SLC47A2: variants seen among roughly 807,000 people sequenced by gnomAD.
SLC47A2 encodes the protein solute carrier family 47 member 2.
SLC47A2 carries 52 observed loss-of-function variants against 67.7 expected under a neutral mutation model. That is an observed-to-expected ratio of 0.77 (90% CI 0.61 to 0.97). The LOEUF is 0.97. Ranked by LOEUF, SLC47A2 falls within the 50% of genes least tolerant of loss-of-function variation. The probability of loss-of-function intolerance (pLI) is 0.00; values close to 1 mark genes in which losing one functional copy is unlikely to be tolerated. For missense variants in SLC47A2, 676 were observed against 712.3 expected, an observed-to-expected ratio of 0.95 and a Z score of 0.58; for synonymous variants, 278 against 292.9, an observed-to-expected ratio of 0.95 and a Z score of 0.52.
Position 19,702,599 on chromosome 17 carries a change from A to G in SLC47A2, c.1164+6T>C, listed in dbSNP as rs2085814475. The G allele has an allele frequency of 6.2e-7, 1 of 1,613,728 alleles. No homozygotes were observed. On this transcript the variant is annotated splice_donor_region_variant and intron_variant, in intron 13 of 16. Coordinates refer to ENST00000433844, the MANE Select transcript of SLC47A2 (RefSeq NM_001099646.3). ...GAGTCAGGCTTTGGATCAAAGTGGT[A>G]CTTACACAGATGGCCTCAAACACGT... is the stretch of plus-strand genomic sequence containing the variant.
intron 15 of SLC47A2, 141 bp downstream of exon 15, chr17:19,681,226 C>CA (rs565026578): frequency 0.024 from 14,078 of 587,614 alleles, 7 homozygotes; most frequent in Middle Eastern, 0.035. Flanking sequence ...AACAAACAAA[C>CA]AAAAAAAAAA....
chr17:19,703,542 G>C (rs544023109), intron 11 of SLC47A2, among the ~76,000 whole-genome samples: 1 of 152,242 alleles, frequency 6.6e-6, no homozygotes, highest in Admixed American at 6.5e-5. Context: ...GGATTCCAGC[G>C]CAGGCTACAG....
intron 5 of SLC47A2, among the ~76,000 whole-genome samples, chr17:19,710,672 C>T (rs535137647): frequency 6.0e-4 from 92 of 152,120 alleles, no homozygotes; most frequent in African/African-American, 2.2e-3. Flanking sequence ...GGGCTGGTCT[C>T]GAACTCCTGA....
At chr17:19,698,895 C>A (rs2085724547) in intron 13 of SLC47A2, among the ~76,000 whole-genome samples, 1 of 152,076 alleles carries the variant, frequency 6.6e-6, no homozygotes, top group African/African-American at 2.4e-5. Context: ...TGTTACATAG[C>A]TTTTACATTG....
At chr17:19,716,248 T>C (rs2086262279) in intron 1 of SLC47A2, 185 bp downstream of exon 1, 1 of 955,702 alleles carries the variant, frequency 1.0e-6, no homozygotes, top group African/African-American at 1.7e-5. Context: ...CCACTGCCAC[T>C]GGGGATTGTC....
In SLC47A2 at chr17:19,702,640, C is replaced by T. The variant is rs1458323099; in HGVS notation, c.1129G>A (p.Val377Ile). The change falls in exon 13 of 17, where the codon GTT becomes ATT. Residue 377 changes from valine (V) to isoleucine (I), a missense_variant. Physicochemically the swap from Val to Ile is conservative, Grantham distance 29 (BLOSUM62 3). Coordinates refer to ENST00000433844, the MANE Select transcript of SLC47A2 (RefSeq NM_001099646.3). Reference sequence around the variant, plus strand: ...TCAAACACGTGAAAGACACTATAAACCGGCAAGACCTGGCTCACCAGGGCA... The same window carrying T: ...TCAAACACGTGAAAGACACTATAAATCGGCAAGACCTGGCTCACCAGGGCA... Reference protein sequence around the residue: ...VIALVSQVLPVYSVFHVFEAI... With the variant: ...VIALVSQVLPIYSVFHVFEAI... 5 of 1,614,044 alleles carry T rather than the reference C, an allele frequency of 3.1e-6. No individual in the cohort carries two copies. The Admixed American group carries it at 6.7e-5, about 22-fold the overall frequency.
chr17:19,712,837 G>A, intron 4 of SLC47A2, 92 bp from the exon 5 acceptor site: 1 of 1,249,418 alleles, frequency 8.0e-7, no homozygotes, highest in Non-Finnish European at 1.2e-6. Context: ...TGGGTGCTCG[G>A]CCGCTGTCCC....
chr17:19,706,533 CT>C, intron 9 of SLC47A2, 114 bp downstream of exon 9: 1 of 806,354 alleles, frequency 1.2e-6, no homozygotes, highest in Non-Finnish European at 1.9e-6. Flanking sequence ...GGCTGGTGAG[CT>C]GCCATCCTGG....
chr17:19,689,509 C>A (rs1342023747), intron 13 of SLC47A2, among the ~76,000 whole-genome samples: 1 of 152,014 alleles, frequency 6.6e-6, no homozygotes, highest in Non-Finnish European at 1.5e-5. Flanking sequence ...CCAGCCTGGG[C>A]AACATGGCGA....
rs772998441 is a variant in SLC47A2, at chr17:19,714,741, A to G, written c.274T>C (p.Cys92Arg). 6.2e-7 allele frequency: 1 copy of G among 1,614,114 alleles called. No homozygotes were observed. Among genetic ancestry groups the G allele is most frequent in the South Asian group, 1.1e-5 (1 of 91,086 alleles). The change falls in exon 3 of 17, where the codon TGT (cysteine) becomes CGT (arginine). Residue 92 changes from cysteine to arginine, a missense_variant. Transcript: ENST00000433844. ...CCCACCTGAGACATCAAGGTGTCACATGCCGAAGACAAACCAACTCCTACA... is the reference window on the plus strand; with the variant it reads ...CCCACCTGAGACATCAAGGTGTCACGTGCCGAAGACAAACCAACTCCTACA... ...VSVGVGLSSA[C>R]DTLMSQSFGS...
intron 10 of SLC47A2, 111 bp from the exon 11 acceptor site, chr17:19,704,289 GGCAT>G (rs2085867926): frequency 1.2e-6 from 1 of 824,772 alleles, no homozygotes; most frequent in African/African-American, 1.7e-5. Flanking sequence ...GCAGATCTCA[GGCAT>G]GCAGTGTAAG....
At chr17:19,692,702 T>C (rs2085568984) in intron 13 of SLC47A2, among the ~76,000 whole-genome samples, 1 of 152,162 alleles carries the variant, frequency 6.6e-6, no homozygotes, top group Non-Finnish European at 1.5e-5. Flanking sequence ...AATGTTACCC[T>C]TACACAAAAG....
chr17:19,689,965 C>G (rs1305003680), intron 13 of SLC47A2, among the ~76,000 whole-genome samples: 1 of 151,942 alleles, frequency 6.6e-6, no homozygotes, highest in Non-Finnish European at 1.5e-5. Flanking sequence ...ATAGCTAAAG[C>G]CATCCTGAGC....
intron 5 of SLC47A2, among the ~76,000 whole-genome samples, chr17:19,711,152 C>T (rs12948209): frequency 0.68 from 103,314 of 151,994 alleles, 35,485 homozygotes; most frequent in East Asian, 0.95. Context: ...AAAAGGCAAA[C>T]GACAAATTGG....
At chr17:19,679,518 G>C (rs1384152764) in intron 16 of SLC47A2, among the ~76,000 whole-genome samples, 1 of 152,188 alleles carries the variant, frequency 6.6e-6, no homozygotes, top group Non-Finnish European at 1.5e-5. Flanking sequence ...GTCAAGCCAG[G>C]CTGGCTGACA....
intron 9 of SLC47A2, 32 bp from the exon 10 acceptor site, chr17:19,705,535 G>A (rs748026225): frequency 2.6e-5 from 42 of 1,595,658 alleles, no homozygotes; most frequent in South Asian, 1.8e-4. Context: ...AGTCCGGCCC[G>A]CAGCCCCAGA....
intron 13 of SLC47A2, among the ~76,000 whole-genome samples, chr17:19,681,997 C>T (rs1024352596): frequency 8.5e-5 from 13 of 152,328 alleles, no homozygotes; most frequent in Non-Finnish European, 1.6e-4. Flanking sequence ...GGACTAACTT[C>T]ACATGATACA....
At chr17:19,708,949 T>C (rs991028771) in intron 5 of SLC47A2, among the ~76,000 whole-genome samples, 189 bp from the exon 6 acceptor site, 2 of 152,204 alleles carry the variant, frequency 1.3e-5, no homozygotes, top group Non-Finnish European at 2.9e-5. Flanking sequence ...GGGCCCAGCC[T>C]ATGGAAGAGG....
intron 13 of SLC47A2, among the ~76,000 whole-genome samples, chr17:19,693,734 C>G (rs944763552): frequency 2.6e-5 from 4 of 152,036 alleles, no homozygotes; most frequent in African/African-American, 9.7e-5. Context: ...GGAGGCGGAG[C>G]TTGCAGTGAG....
Sources: gnomAD v4.1 joint callset for allele counts (sites outside exome capture counted in the v4.1 genomes callset) on GRCh38, gnomAD v4.1.1 for gene constraint, MANE v1.5 for transcripts, NCBI Gene and HGNC (gene_info 2026-07-23, HGNC 2026-07-21) for gene names.